The following PAAF1 variants were observed in gnomAD, a reference collection of about 807,000 sequenced individuals.
The protein encoded by PAAF1 is proteasomal ATPase associated factor 1, also known as proteasomal ATPase-associated factor 1.
PAAF1 carries 46 observed loss-of-function variants against 52.8 expected under a neutral mutation model. The observed-to-expected ratio is 0.87, with a 90% CI of 0.69 to 1.11. The LOEUF (loss-of-function observed/expected upper bound fraction) is 1.11. Ranked by LOEUF, PAAF1 falls within the 50% of genes most tolerant of loss-of-function variation. PAAF1 has a pLI of 0.00. For missense variants in PAAF1, 424 were observed against 477.4 expected, an observed-to-expected ratio of 0.89 and a Z score of 1.04; for synonymous variants, 178 against 172.8, an observed-to-expected ratio of 1.03 and a Z score of -0.24.
chr11:73,904,643 T>C (rs1466897615), intron 6 of PAAF1, among the ~76,000 whole-genome samples: 1 of 152,176 alleles, frequency 6.6e-6, no homozygotes, highest in African/African-American at 2.4e-5. Flanking sequence ...TATTTTTTTT[T>C]CGGAGATCTG....
rs374598425 is a variant in PAAF1, at chr11:73,900,276, T to C, written c.388T>C (p.Leu130=). The change falls in exon 6 of 12, where the codon TTG becomes CTG. Residue 130 remains leucine, a synonymous_variant. Transcript: ENST00000310571. ...QASNGELRRV[L]EGHVFDVNCC... ...TTTTCTTTTGTTTTTCCAGAGAGTATTGGAAGGACATGTGTTTGATGTGAA... is the reference window on the plus strand; with the variant it reads ...TTTTCTTTTGTTTTTCCAGAGAGTACTGGAAGGACATGTGTTTGATGTGAA... 6.2e-7 allele frequency: 1 copy of C among 1,602,994 alleles called. No individual in the cohort carries two copies. Among genetic ancestry groups the C allele is most frequent in the Non-Finnish European group, 8.5e-7 (1 of 1,172,888 alleles).
At chr11:73,901,142 T>C (rs1949600410) in intron 6 of PAAF1, among the ~76,000 whole-genome samples, 1 of 152,120 alleles carries the variant, frequency 6.6e-6, no homozygotes, top group Non-Finnish European at 1.5e-5. Context: ...TATTAGTCTT[T>C]TTGGCTGAGG....
At chr11:73,910,708 G>C (rs1023848961) in intron 7 of PAAF1, among the ~76,000 whole-genome samples, 5 of 151,972 alleles carry the variant, frequency 3.3e-5, no homozygotes, top group African/African-American at 9.7e-5. Flanking sequence ...AAAGTACAGG[G>C]GACCAGGTGC....
chr11:73,925,291 C>G (rs1950323872), intron 11 of PAAF1, among the ~76,000 whole-genome samples: 2 of 151,824 alleles, frequency 1.3e-5, no homozygotes, highest in African/African-American at 4.8e-5. Context: ...ACCCCCGTCT[C>G]TACAAAAAAT....
rs1448691477 is a variant in PAAF1 at position 73,924,649 on chromosome 11, A to C, written c.1053A>C (p.Leu351Phe). 7 of 1,614,026 alleles carry C rather than the reference A, an allele frequency of 4.3e-6. No individual in the cohort carries two copies. Among genetic ancestry groups the C allele is most frequent in the Non-Finnish European group, 5.9e-6 (7 of 1,179,946 alleles). The change falls in exon 11 of 12, where the codon TTA becomes TTC. Residue 351 changes from leucine (L) to phenylalanine (F), a missense_variant. Leu to Phe is a conservative substitution (Grantham distance 22). Transcript: ENST00000310571. Reference protein sequence around the residue: ...DGSCFIVQQDLDYVTELTGAD... With the variant: ...DGSCFIVQQDFDYVTELTGAD... ...GCTGTTTTATTGTCCAGCAAGACTT[A>C]GACTATGTCACTGAGCTCACTGGGG... is the stretch of plus-strand genomic sequence containing the variant.
intron 4 of PAAF1, among the ~76,000 whole-genome samples, chr11:73,892,419 TAAAA>T (rs1263378831): frequency 1.3e-5 from 2 of 151,898 alleles, no homozygotes; most frequent in Non-Finnish European, 2.9e-5. Flanking sequence ...TTAGGACATG[TAAAA>T]AAAGGAGAAT....
At chr11:73,913,051 A>G (rs1409831255) in intron 7 of PAAF1, among the ~76,000 whole-genome samples, 1 of 151,836 alleles carries the variant, frequency 6.6e-6, no homozygotes, top group African/African-American at 2.4e-5. Flanking sequence ...TATTTTTTGT[A>G]TTTTTAGTAG....
At chr11:73,918,094 A>G (rs1177930214) in intron 9 of PAAF1, among the ~76,000 whole-genome samples, 10 of 152,230 alleles carry the variant, frequency 6.6e-5, no homozygotes, top group Admixed American at 4.6e-4. Context: ...CCAAGTAAAG[A>G]AGGAGGAAAA....
Position 73,900,333 on chromosome 11 carries a change from G to GGAAATTCCCCCAT in PAAF1, c.445_446insGAAATTCCCCCAT (p.Val149GlyfsTer20), listed in dbSNP as rs1949561227. The GGAAATTCCCCCAT allele has an allele frequency of 6.2e-7, 1 of 1,613,368 alleles. No homozygotes were observed. ...CAGGTTTTTCCCATCAGGCCTTGTG[G>GGAAATTCCCCCAT]TCCTGAGTGGGGGAATGGATGCCCA... On this transcript the variant is annotated frameshift_variant, in exon 6 of 12. Transcript: ENST00000310571. LOFTEE classifies it high-confidence loss of function.
At chr11:73,892,404 A>T (rs1475782327) in intron 4 of PAAF1, among the ~76,000 whole-genome samples, 1 of 151,990 alleles carries the variant, frequency 6.6e-6, no homozygotes, top group Non-Finnish European at 1.5e-5. Flanking sequence ...CTTAGTGATG[A>T]AAATTTAGGA....
chr11:73,880,930 G>T (rs1291750843), intron 2 of PAAF1, among the ~76,000 whole-genome samples: 2 of 152,038 alleles, frequency 1.3e-5, no homozygotes, highest in Non-Finnish European at 2.9e-5. Flanking sequence ...AACCCAGCAG[G>T]TGGAGGTTGC....
Position 73,897,473 on chromosome 11 carries a change from C to T in PAAF1, c.283-1673C>T, listed in dbSNP as rs1949438657. Among the ~76,000 whole-genome samples, 3 of 150,954 alleles carry T rather than the reference C, an allele frequency of 2.0e-5. No homozygotes were observed. The South Asian group carries it at 6.3e-4, about 32-fold the overall frequency. On this transcript the variant is annotated intron_variant, in intron 4 of 11. Transcript: ENST00000310571. ...GGGTCTCCTCACTTCTCAGACGGGGCGGCCGGGCAGAGACGCTCCTCACAT... is the reference window on the plus strand; with the variant it reads ...GGGTCTCCTCACTTCTCAGACGGGGTGGCCGGGCAGAGACGCTCCTCACAT...
rs115108334 is a variant in PAAF1 at position 73,906,221 on chromosome 11, G to A, written c.533-3178G>A. On this transcript the variant is annotated intron_variant, in intron 6 of 11. Transcript: ENST00000310571. ...TGAGAATTACATTTACCTAACAACC[G>A]TTGCCAGCTGTATAAATTGAATTTC... Among the ~76,000 whole-genome samples the A allele has an allele frequency of 1.9e-3, 295 of 152,164 alleles. 1 individual carries two copies. Among genetic ancestry groups the A allele is most frequent in the African/African-American group, 6.9e-3 (286 of 41,532 alleles).
In PAAF1 at chr11:73,929,280, T is replaced by C. The variant is rs1359906444; in HGVS notation, c.*1918T>C. 1 of 152,104 alleles carries C rather than the reference T, an allele frequency of 6.6e-6. No homozygotes were observed. The highest frequency in any genetic ancestry group is 2.1e-4 in the South Asian group (1 of 4,830). 9.4% of individuals were successfully genotyped at this position (152,104 alleles called of 1,614,324 possible). A position where few individuals can be genotyped will look rare whatever the true frequency, so the allele number is the denominator to read the frequency against. ...CCAGGCTGGTCTCAAACTCCTGAACTCAAGTATTCCTCCCACCTTGGCCTC... is the reference window on the plus strand; with the variant it reads ...CCAGGCTGGTCTCAAACTCCTGAACCCAAGTATTCCTCCCACCTTGGCCTC... On this transcript the variant is annotated 3_prime_UTR_variant, in exon 12 of 12. Coordinates refer to ENST00000310571, the MANE Select transcript of PAAF1 (RefSeq NM_025155.3).
intron 2 of PAAF1, among the ~76,000 whole-genome samples, chr11:73,884,436 A>G (rs1949003098): frequency 6.6e-6 from 1 of 152,240 alleles, no homozygotes; most frequent in African/African-American, 2.4e-5. Flanking sequence ...TAGAGGCTGC[A>G]GTGAACCATG....
intron 1 of PAAF1, 24 bp from the exon 2 acceptor site, chr11:73,878,755 T>C (rs747809178): frequency 6.2e-7 from 1 of 1,612,684 alleles, no homozygotes; most frequent in Non-Finnish European, 8.5e-7. Flanking sequence ...GTAAGCCTAA[T>C]TAGGCTTTTG....
chr11:73,915,791 T>G (rs891162409), intron 8 of PAAF1, among the ~76,000 whole-genome samples: 1 of 152,194 alleles, frequency 6.6e-6, no homozygotes, highest in African/African-American at 2.4e-5. Flanking sequence ...CCAGACAACT[T>G]TAGTGATTTG....
intron 5 of PAAF1, 33 bp from the exon 6 acceptor site, chr11:73,900,237 G>A (rs1174917751): frequency 5.7e-6 from 9 of 1,567,388 alleles, no homozygotes; most frequent in Non-Finnish European, 8.7e-7. Flanking sequence ...ATGGACAAGA[G>A]AACTAGCATG....
chr11:73,894,696 C>T (rs543818799), intron 4 of PAAF1, among the ~76,000 whole-genome samples: 3 of 152,126 alleles, frequency 2.0e-5, no homozygotes, highest in African/African-American at 4.8e-5. Flanking sequence ...TGGTGGCACA[C>T]GCCTGTAATC....
Sources: allele counts gnomAD v4.1 joint callset (sites outside exome capture counted in the v4.1 genomes callset), GRCh38; gene constraint gnomAD v4.1.1; transcripts MANE v1.5; gene names NCBI Gene and HGNC (gene_info 2026-07-23, HGNC 2026-07-21).